Variants in NCOA6 observed in about 807,000 individuals in gnomAD.
NCOA6 encodes the protein NRC RAP250.
NCOA6 carries 49 observed loss-of-function variants against 171.4 expected under a neutral mutation model. The ratio of observed to expected loss-of-function variants is 0.29; its 90% CI spans 0.23 to 0.36. The LOEUF is 0.36. Ranked by LOEUF, NCOA6 falls within the 10% of genes least tolerant of loss-of-function variation. NCOA6 has a pLI of 1.00. For synonymous variants in NCOA6, 910 were observed against 927.5 expected (o/e 0.98, Z 0.34); for missense variants, 2,248 against 2,554.5 (o/e 0.88, Z 2.59).
intron 14 of NCOA6, among the ~76,000 whole-genome samples, chr20:34,717,764 T>C (rs1988785479): frequency 6.6e-6 from 1 of 152,240 alleles, no homozygotes; most frequent in South Asian, 2.1e-4. Context: ...ATCTCAAGCG[T>C]TATTTTCACT....
At position 34,754,819 on chromosome 20, in the gene NCOA6, C is replaced by T. The variant is rs1179895438; in HGVS notation, c.1578G>A (p.Pro526=). The change falls in exon 8 of 15, where the codon CCG becomes CCA. Residue 526 remains proline (P), a synonymous_variant. Transcript: ENST00000359003. The part of the protein sequence containing the change: ...PPGFSAGQAN[P]NFMQGQVPST... The stretch of plus-strand genomic sequence containing the variant: ...AAGGCACCTGACCTTGCATAAAGTT[C>T]GGATTGGCCTGTCCTGCTGAGAAGC... 5.6e-6 allele frequency: 9 copies of T among 1,614,114 alleles called. No individual in the cohort carries two copies. The highest frequency in any genetic ancestry group is 1.1e-5 in the South Asian group (1 of 91,074).
chr20:34,758,155 C>T, intron 6 of NCOA6, 51 bp from the exon 7 acceptor site: 1 of 1,545,284 alleles, frequency 6.5e-7, no homozygotes, highest in East Asian at 2.3e-5. Flanking sequence ...CAATCTAGAT[C>T]TTAGAGAAGT....
At chr20:34,721,752 T>C (rs746955291) in intron 14 of NCOA6, among the ~76,000 whole-genome samples, 2 of 152,052 alleles carry the variant, frequency 1.3e-5, no homozygotes, top group South Asian at 2.1e-4. Flanking sequence ...GGCCCGGGGA[T>C]TGGGGACCAC....
intron 3 of NCOA6, chr20:34,776,817 G>C (rs984072437): frequency 4.4e-6 from 2 of 457,616 alleles, no homozygotes; most frequent in Admixed American, 2.4e-5. Context: ...CCATAAGAAA[G>C]AAGAGAGAGG....
rs1568767806 is a variant in NCOA6, at chr20:34,749,741, C to T, written c.2454G>A (p.Met818Ile). 1.9e-6 allele frequency: 3 copies of T among 1,614,182 alleles called. No individual in the cohort carries two copies. Among genetic ancestry groups the T allele is most frequent in the Non-Finnish European group, 1.7e-6 (2 of 1,179,998 alleles). Residue 818 changes from methionine (M) to isoleucine (I), a missense_variant, in exon 9 of 15, where the codon ATG becomes ATA. Met to Ile is a conservative substitution (Grantham distance 10, BLOSUM62 1). Coordinates refer to ENST00000359003, the MANE Select transcript of NCOA6 (RefSeq NM_014071.5). Reference sequence around the variant, plus strand: ...TGGTTTGTTGAATGCTAACATCAGGCATCATCTGAGATAAACTGACATCGT... The same window carrying T: ...TGGTTTGTTGAATGCTAACATCAGGTATCATCTGAGATAAACTGACATCGT... ...ANNDVSLSQM[M>I]PDVSIQQTNM...
At chr20:34,736,786 C>G in intron 11 of NCOA6, 28 bp from the exon 12 acceptor site, 1 of 1,573,300 alleles carries the variant, frequency 6.4e-7, no homozygotes, top group South Asian at 1.2e-5. Context: ...AAATTACAGA[C>G]CTTTTACTTT....
At chr20:34,767,615 T>C (rs2077019039) in intron 5 of NCOA6, among the ~76,000 whole-genome samples, 1 of 152,172 alleles carries the variant, frequency 6.6e-6, no homozygotes, top group Non-Finnish European at 1.5e-5. Flanking sequence ...ATCTTATAAA[T>C]TGAGCTCCTC....
intron 13 of NCOA6, among the ~76,000 whole-genome samples, chr20:34,729,258 C>A (rs989837633): frequency 3.3e-5 from 5 of 152,156 alleles, no homozygotes; most frequent in Non-Finnish European, 7.3e-5. Flanking sequence ...GCCCTATACA[C>A]ATAAATCTGA....
chr20:34,815,676 AAAGCTGATGTATCTCTC>A (rs2078812031), intron 1 of NCOA6, among the ~76,000 whole-genome samples: 1 of 152,094 alleles, frequency 6.6e-6, no homozygotes, highest in Non-Finnish European at 1.5e-5. Flanking sequence ...GAGACCCTGA[AAAGCTGATGTATCTCTC>A]AATGCCCACA....
intron 14 of NCOA6, among the ~76,000 whole-genome samples, chr20:34,726,749 C>T (rs1168618177): frequency 6.6e-6 from 1 of 151,348 alleles, no homozygotes; most frequent in Admixed American, 6.6e-5. Context: ...CACGCCACTG[C>T]ACTCCAGCCT....
chr20:34,761,527 A>G (rs1438128105), intron 5 of NCOA6, among the ~76,000 whole-genome samples: 1 of 152,108 alleles, frequency 6.6e-6, no homozygotes, highest in East Asian at 1.9e-4. Flanking sequence ...CAGAGAACAG[A>G]ATCTATGTGA....
At position 34,741,278 on chromosome 20, in the gene NCOA6, A is replaced by G; in HGVS notation, c.4978T>C (p.Phe1660Leu). 1 of 1,614,242 alleles carries G rather than the reference A, an allele frequency of 6.2e-7. No individual in the cohort carries two copies. The highest frequency in any genetic ancestry group is 1.1e-5 in the South Asian group (1 of 91,088). The change falls in exon 11 of 15, where the codon TTT (phenylalanine) becomes CTT (leucine). Residue 1660 changes from phenylalanine (F) to leucine (L), a missense_variant. Transcript: ENST00000359003. ...TGAATTATTGAGGATGAATTGATAA[A>G]GACAGGTGTAATGAACTGAGGCCGG... is the stretch of plus-strand genomic sequence containing the variant. ...NARPQFITPV[F>L]INSSSIIQVM...
In NCOA6 at chr20:34,714,946, G is replaced by C. The variant is rs1274119698; in HGVS notation, c.*376C>G. ...TACAACATTTCCAAATGAGAAGATT[G>C]CTTTTGCCCCCACTACTGCTATTCA... On this transcript the variant is annotated 3_prime_UTR_variant, in exon 15 of 15. Transcript: ENST00000359003. 2 of 170,342 alleles carry C rather than the reference G, an allele frequency of 1.2e-5. No individual in the cohort carries two copies. The highest frequency in any genetic ancestry group is 1.3e-5 in the Non-Finnish European group (1 of 78,950). 10.6% of individuals were successfully genotyped at this position (170,342 alleles called of 1,614,324 possible). A position where few individuals can be genotyped will look rare whatever the true frequency, so the allele number is the denominator to read the frequency against.
intron 1 of NCOA6, among the ~76,000 whole-genome samples, chr20:34,822,349 C>A (rs1455581514): frequency 6.6e-6 from 1 of 152,146 alleles, no homozygotes; most frequent in Non-Finnish European, 1.5e-5. Flanking sequence ...CATGCTTTCA[C>A]ACACATTCTA....
intron 1 of NCOA6, among the ~76,000 whole-genome samples, chr20:34,813,231 C>T (rs11696978): frequency 0.025 from 3,730 of 150,610 alleles, 53 homozygotes; most frequent in Non-Finnish European, 0.036. Context: ...TTTGGGAGGC[C>T]GAGGAGGGTG....
At chr20:34,811,612 A>G (rs889944568) in intron 1 of NCOA6, among the ~76,000 whole-genome samples, 2 of 152,112 alleles carry the variant, frequency 1.3e-5, no homozygotes, top group Non-Finnish European at 2.9e-5. Context: ...CTTTCCATGG[A>G]TGCATTTATT....
chr20:34,782,404 T>C lies in NCOA6; in HGVS notation c.-49A>G. 1 of 1,201,670 alleles carries C rather than the reference T, an allele frequency of 8.3e-7. No individual in the cohort carries two copies. Among genetic ancestry groups the C allele is most frequent in the South Asian group, 1.5e-5 (1 of 65,900 alleles). 74.4% of individuals were successfully genotyped at this position (1,201,670 alleles called of 1,614,324 possible). On this transcript the variant is annotated splice_region_variant and 5_prime_UTR_variant, in exon 3 of 15. Transcript: ENST00000359003. ...ATGCCAAGAGGACAATAAGAAAACT[T>C]CTGAAAAGAGAAGATGCAAAAGAGC...
Position 34,782,118 on chromosome 20 carries a change from T to C in NCOA6, c.235+3A>G. ...GGAAGAAAAAATAATTAAAGCAAAT[T>C]ACCCATGTGTAACAAATTGGGCACG... On this transcript the variant is annotated splice_donor_region_variant and intron_variant, in intron 3 of 14. Transcript: ENST00000359003. 6.5e-7 allele frequency: 1 copy of C among 1,544,934 alleles called. No individual in the cohort carries two copies. The highest frequency in any genetic ancestry group is 8.8e-7 in the Non-Finnish European group (1 of 1,131,744).
chr20:34,780,368 A>G (rs752737016), intron 3 of NCOA6, among the ~76,000 whole-genome samples: 1 of 151,844 alleles, frequency 6.6e-6, no homozygotes, highest in Non-Finnish European at 1.5e-5. Context: ...ATTTATTTTT[A>G]TTTTTTTGAG....
Sources: allele counts gnomAD v4.1 joint callset (sites outside exome capture counted in the v4.1 genomes callset), GRCh38; gene constraint gnomAD v4.1.1; transcripts MANE v1.5; gene names NCBI Gene and HGNC (gene_info 2026-07-23, HGNC 2026-07-21).